MDC1: variants seen among roughly 807,000 people sequenced by gnomAD.
The protein encoded by MDC1 is mediator of DNA damage checkpoint 1, also known as mediator of DNA damage checkpoint protein 1.
Under a neutral mutation model 142.5 loss-of-function variants are expected in MDC1, and 81 were observed. The observed-to-expected ratio is 0.57, with a 90% confidence interval of 0.47 to 0.68. The LOEUF (loss-of-function observed/expected upper bound fraction) is 0.68, where lower values mean the gene tolerates loss of function less well. Among genes scored for constraint, MDC1 ranks in the 30% least tolerant of loss-of-function variants. MDC1 has a pLI of 0.00. For missense variants in MDC1, 2,119 were observed against 2,547.9 expected (o/e 0.83, Z 3.62); for synonymous variants, 797 against 968.4 (o/e 0.82, Z 3.29).
Position 30,708,326 on chromosome 6 carries a change from A to T in MDC1, c.2253T>A (p.Ala751=). 1 of 1,612,130 alleles carries T rather than the reference A, an allele frequency of 6.2e-7. No homozygotes were observed. Among genetic ancestry groups the T allele is most frequent in the Non-Finnish European group, 8.5e-7 (1 of 1,179,976 alleles). Residue 751 remains alanine, a synonymous_variant, in exon 8 of 15, where the codon GCT becomes GCA. Coordinates refer to ENST00000376406, the MANE Select transcript of MDC1 (RefSeq NM_014641.3). The stretch of plus-strand genomic sequence containing the variant: ...ACTCTCTCAGACAGAATGGCTGTGT[A>T]GCCAGGACCTCCCATGGTTCATCTA... The part of the protein sequence containing the change: ...GTLDEPWEVL[A]TQPFCLRESE...
Position 30,705,799 on chromosome 6 carries a change from G to A in MDC1, c.3384C>T (p.His1128=). ...CTGGCTGGGCTGTGGAGGTGGAAGG[G>A]TGGGGCTCAGGGGCAGCAGAGGTAG... is the stretch of plus-strand genomic sequence containing the variant. ...FPATSAAPEP[H]PSTSTAQPVT... is the part of the protein sequence containing the mutation. The change falls in exon 10 of 15, where the codon CAC becomes CAT. Residue 1128 remains histidine, a synonymous_variant. Coordinates refer to ENST00000376406, the MANE Select transcript of MDC1 (RefSeq NM_014641.3). 2 of 1,612,910 alleles carry A rather than the reference G, an allele frequency of 1.2e-6. No homozygotes were observed. Among genetic ancestry groups the A allele is most frequent in the Non-Finnish European group, 8.5e-7 (1 of 1,179,354 alleles).
In MDC1 at chr6:30,700,448, A is replaced by G. The variant is rs766564459; in HGVS notation, c.*17T>C. ...CTTCTAATTCGTGGTCTGGGAGGGA[A>G]AAGGGTAGTGGAGTTCTCAGGTGGA... On this transcript the variant is annotated 3_prime_UTR_variant, in exon 15 of 15. Transcript: ENST00000376406. 2 of 1,599,112 alleles carry G rather than the reference A, an allele frequency of 1.3e-6. No homozygotes were observed. Among genetic ancestry groups the G allele is most frequent in the Non-Finnish European group, 1.7e-6 (2 of 1,169,540 alleles).
Position 30,711,688 on chromosome 6 carries a change from G to C in MDC1, c.2107C>G (p.Leu703Val). Residue 703 changes from leucine (L) to valine (V), a missense_variant, in exon 6 of 15, where the codon CTG (leucine) becomes GTG (valine). By Grantham distance (32) the Leu-to-Val change is conservative. Coordinates refer to ENST00000376406, the MANE Select transcript of MDC1 (RefSeq NM_014641.3). ...DLDLQATQCF[L>V]ENQGLEAVQS... is the part of the protein sequence containing the mutation. ...TCACCTTCCAGGCCCTGATTCTCCA[G>C]AAAGCACTGGGTAGCTTGTAGGTCC... The C allele has an allele frequency of 6.2e-7, 1 of 1,613,010 alleles. No individual in the cohort carries two copies. Among genetic ancestry groups the C allele is most frequent in the South Asian group, 1.1e-5 (1 of 91,074 alleles).
At position 30,713,793 on chromosome 6, in the gene MDC1, A is replaced by C. The variant is rs773413592; in HGVS notation, c.517+10T>G. On this transcript the variant is annotated intron_variant, in intron 3 of 14. Coordinates refer to ENST00000376406, the MANE Select transcript of MDC1 (RefSeq NM_014641.3). This position sits in a 1 kb window ranked among gnomAD's most constrained non-coding sequence, Gnocchi z 4.9. ...GTCTCCTCATTCTCCCTGCCAATAT[A>C]CAAACTTACCTACTTCCTCCTCCGA... The C allele has an allele frequency of 3.1e-6, 5 of 1,613,738 alleles. No homozygotes were observed. The Admixed American group carries it at 8.3e-5, about 27-fold the overall frequency.
rs1775572211 is a variant in MDC1, at chr6:30,715,734, C to T, written c.-3-556G>A. Among the ~76,000 whole-genome samples the T allele has an allele frequency of 6.6e-6, 1 of 152,164 alleles. No homozygotes were observed. The highest frequency in any genetic ancestry group is 2.4e-5 in the African/African-American group (1 of 41,424). On this transcript the variant is annotated intron_variant, in intron 1 of 14. Transcript: ENST00000376406. The surrounding 1 kb of genome is among the most constrained non-coding windows in gnomAD (Gnocchi z 4.1). ...TGCAAAAAATGATAATAAAAGATGA[C>T]ATATATAGAAGCTTCCTATGTGTCA...
Position 30,707,616 on chromosome 6 carries a change from C to T in MDC1, c.2963G>A (p.Ser988Asn), listed in dbSNP as rs1425527304. The T allele has an allele frequency of 1.9e-6, 3 of 1,612,846 alleles. No individual in the cohort carries two copies. Residue 988 changes from serine to asparagine, a missense_variant, in exon 8 of 15, where the codon AGC becomes AAC. Transcript: ENST00000376406. ...TGGGGATCCCCTTCCACCTGACTGGCTCCCAGAAGGTACGGGGGCTGAGGT... is the reference window on the plus strand; with the variant it reads ...TGGGGATCCCCTTCCACCTGACTGGTTCCCAGAAGGTACGGGGGCTGAGGT... ...GPTSAPVPSG[S>N]QSGGRGSPVS...
chr6:30,709,828 T>C lies in MDC1; in HGVS notation c.2222-1471A>G, dbSNP rs1444803613. Among the ~76,000 whole-genome samples the C allele has an allele frequency of 6.6e-6, 1 of 152,222 alleles. No individual in the cohort carries two copies. The highest frequency in any genetic ancestry group is 2.4e-5 in the African/African-American group (1 of 41,474). On this transcript the variant is annotated intron_variant, in intron 7 of 14. Transcript: ENST00000376406. The surrounding 1 kb of genome is among the most constrained non-coding windows in gnomAD (Gnocchi z 4.2). ...CAGGGTTCATCCATGTTGCTGCAGA[T>C]GACAGGATTTCATTCTCTTCTGTTG...
Position 30,705,822 on chromosome 6 carries a change from T to A in MDC1, c.3361A>T (p.Thr1121Ser), listed in dbSNP as rs770812584. ...GGGTGGGGCTCAGGGGCAGCAGAGG[T>A]AGCTGGAAAGGGTGTCATTCTGGAG... The part of the protein sequence containing the change: ...KSSRMTPFPA[T>S]SAAPEPHPST... The change falls in exon 10 of 15, where the codon ACC (threonine) becomes TCC (serine). Residue 1121 changes from threonine to serine, a missense_variant. Physicochemically the swap from Thr to Ser is moderately conservative, Grantham distance 58 (BLOSUM62 1). Transcript: ENST00000376406. 1.6e-5 allele frequency: 25 copies of A among 1,611,150 alleles called. No individual in the cohort carries two copies. In the African/African-American group the frequency reaches 3.0e-4, roughly 19 times the overall value.
chr6:30,704,833 G>C lies in MDC1; in HGVS notation c.4350C>G (p.Pro1450=). ...SSVKTPETVV[P]TAPELQPSTS... is the part of the protein sequence containing the mutation. ...TGGAAGGCTGGAGCTCAGGGGCTGTGGGGACAACTGTTTCAGGGGTCTTCA... is the reference window on the plus strand; with the variant it reads ...TGGAAGGCTGGAGCTCAGGGGCTGTCGGGACAACTGTTTCAGGGGTCTTCA... The change falls in exon 10 of 15, where the codon CCC becomes CCG. Residue 1450 remains proline, a synonymous_variant. Transcript: ENST00000376406. 6.2e-7 allele frequency: 1 copy of C among 1,603,246 alleles called. No homozygotes were observed. The highest frequency in any genetic ancestry group is 2.3e-5 in the East Asian group (1 of 44,166).
intron 2 of MDC1, 142 bp from the exon 3 acceptor site, chr6:30,714,325 T>C: frequency 1.2e-6 from 1 of 862,828 alleles, no homozygotes; most frequent in Non-Finnish European, 1.7e-6. Context: ...ATCTAGGCAC[T>C]GAAAGAGTAT....
At chr6:30,702,168 CAGG>C (rs1375710510) in intron 14 of MDC1, among the ~76,000 whole-genome samples, 2 of 135,652 alleles carry the variant, frequency 1.5e-5, no homozygotes, top group African/African-American at 2.9e-5. Context: ...GAGGCTGAGG[CAGG>C]AGAATGGTGT....
chr6:30,714,926 A>G, intron 2 of MDC1, 114 bp downstream of exon 2: 1 of 1,278,666 alleles, frequency 7.8e-7, no homozygotes, highest in Non-Finnish European at 1.1e-6. Context: ...CATTCATGAA[A>G]AAAAAAAATT....
rs1014251523 is a variant in MDC1 at position 30,704,248 on chromosome 6, G to C, written c.4935C>G (p.Ser1645=). Reference sequence around the variant, plus strand: ...CAACTGGTTTGGGAGTCTTGACAGAGGACCTATTTGTCTTTCTCCTAGTGG... The same window carrying C: ...CAACTGGTTTGGGAGTCTTGACAGACGACCTATTTGTCTTTCTCCTAGTGG... The part of the protein sequence containing the change: ...SRATRRKTNR[S]SVKTPKPVEP... Residue 1645 remains serine (S), a synonymous_variant, in exon 10 of 15, where the codon TCC becomes TCG. Transcript: ENST00000376406. 8.7e-6 allele frequency: 14 copies of C among 1,613,562 alleles called. No individual in the cohort carries two copies. The East Asian group carries it at 2.9e-4, about 33-fold the overall frequency.
chr6:30,706,313 C>T (rs571081985), intron 9 of MDC1, among the ~76,000 whole-genome samples: 3 of 150,962 alleles, frequency 2.0e-5, no homozygotes, highest in Admixed American at 6.6e-5. Context: ...AGTGAAACCC[C>T]GTCTCTACTA....
In MDC1 at chr6:30,709,722, TC is replaced by T. The variant is rs1774530167; in HGVS notation, c.2222-1366del. 6.6e-6 allele frequency among the ~76,000 whole-genome samples: 1 copy of T among 152,176 alleles called. No individual in the cohort carries two copies. The highest frequency in any genetic ancestry group is 1.5e-5 in the Non-Finnish European group (1 of 68,030). On this transcript the variant is annotated intron_variant, in intron 7 of 14. Transcript: ENST00000376406. This position sits in a 1 kb window ranked among gnomAD's most constrained non-coding sequence, Gnocchi z 4.2. The stretch of plus-strand genomic sequence containing the variant: ...CATTCTACTCTCTACTTCCATGAGA[TC>T]CATGTTTTTAGCTCCCACATGAGTG...
rs369793462 is a variant in MDC1, at chr6:30,707,559, C to T, written c.3013+7G>A. ...ATCACCTTGGGTTCCCCTCTGCCTTCACTTACCTTTCTGATGCCTCCTGGG... is the reference window on the plus strand; with the variant it reads ...ATCACCTTGGGTTCCCCTCTGCCTTTACTTACCTTTCTGATGCCTCCTGGG... On this transcript the variant is annotated splice_region_variant and intron_variant, in intron 8 of 14. Transcript: ENST00000376406. 37 of 1,612,212 alleles carry T rather than the reference C, an allele frequency of 2.3e-5. No homozygotes were observed. In the African/African-American group the frequency reaches 4.1e-4, roughly 18 times the overall value.
At chr6:30,714,946 T>C (rs1775454246) in intron 2 of MDC1, 94 bp downstream of exon 2, 8 of 1,449,258 alleles carry the variant, frequency 5.5e-6, no homozygotes, top group African/African-American at 2.9e-5. Flanking sequence ...TCACATCTCA[T>C]TGAAACATAC....
In MDC1 at chr6:30,707,527, C is replaced by A. The variant is rs777529783; in HGVS notation, c.3013+39G>T. Reference sequence around the variant, plus strand: ...TGCCCAGGGGTTGATTATCACGAGGCCTGTGTATCACCTTGGGTTCCCCTC... The same window carrying A: ...TGCCCAGGGGTTGATTATCACGAGGACTGTGTATCACCTTGGGTTCCCCTC... On this transcript the variant is annotated intron_variant, in intron 8 of 14. Transcript: ENST00000376406. The A allele has an allele frequency of 9.3e-6, 15 of 1,612,888 alleles. No individual in the cohort carries two copies. In the African/African-American group the frequency reaches 1.3e-4, roughly 14 times the overall value.
In MDC1 at chr6:30,702,844, C is replaced by T. The variant is rs767716856; in HGVS notation, c.5899G>A (p.Glu1967Lys). 6.2e-7 allele frequency: 1 copy of T among 1,613,124 alleles called. No individual in the cohort carries two copies. ...RKAGFFLPPD[E>K]YVVTDPEQEK... ...TGCTCAGGGTCGGTCACCACATATTCATCCGGGGGTAAGAAGAAACCAGCC... is the reference window on the plus strand; with the variant it reads ...TGCTCAGGGTCGGTCACCACATATTTATCCGGGGGTAAGAAGAAACCAGCC... Residue 1967 changes from glutamate (E) to lysine (K), a missense_variant, in exon 13 of 15, where the codon GAA becomes AAA. Glu to Lys is a moderately conservative substitution (Grantham distance 56). Coordinates refer to ENST00000376406, the MANE Select transcript of MDC1 (RefSeq NM_014641.3).
Sources: gnomAD v4.1 joint callset for allele counts (sites outside exome capture counted in the v4.1 genomes callset) on GRCh38, gnomAD v4.1.1 for gene constraint, Gnocchi (gnomAD v3.1) non-coding constraint, MANE v1.5 for transcripts, NCBI Gene and HGNC (gene_info 2026-07-23, HGNC 2026-07-21) for gene names.